STAM: variants seen among roughly 807,000 people sequenced by gnomAD.
STAM encodes the protein signal transducing adaptor molecule, also known as signal transducing adapter molecule 1.
In STAM, 16 loss-of-function variants were observed where a neutral mutation model predicts 63.4. The observed-to-expected ratio is 0.25, with a 90% CI of 0.17 to 0.38. The LOEUF (loss-of-function observed/expected upper bound fraction) is 0.38, where lower values mean the gene tolerates loss of function less well. STAM is among the 10% of genes least tolerant of loss of function. STAM has a pLI of 1.00. For synonymous variants in STAM, 238 were observed against 223.9 expected, an observed-to-expected ratio of 1.06 and a Z score of -0.56; for missense variants, 636 against 657.1, an observed-to-expected ratio of 0.97 and a Z score of 0.35.
At chr10:17,663,720 G>T (rs755699102) in intron 2 of STAM, among the ~76,000 whole-genome samples, 2 of 151,930 alleles carry the variant, frequency 1.3e-5, no homozygotes, top group Non-Finnish European at 2.9e-5. Context: ...TGTTTGAAAA[G>T]GATTAAACAA....
rs1020806556 is a variant in STAM at position 17,716,374 on chromosome 10, A to T, written c.*1594A>T. 6.6e-6 allele frequency among the ~76,000 whole-genome samples: 1 copy of T among 151,746 alleles called. No individual in the cohort carries two copies. ...CGTAGTTTTAAATCTGAGCCTGTGA[A>T]ATTAGTCACCTGTAAGATTACTTAA... On this transcript the variant is annotated 3_prime_UTR_variant, in exon 14 of 14. Coordinates refer to ENST00000377524, the MANE Select transcript of STAM (RefSeq NM_003473.4).
At chr10:17,644,733 G>A (rs1442336680) in intron 1 of STAM, among the ~76,000 whole-genome samples, 1 of 152,192 alleles carries the variant, frequency 6.6e-6, no homozygotes, top group Non-Finnish European at 1.5e-5. Flanking sequence ...GGCTAGATTA[G>A]GATTGTAAAC....
chr10:17,687,519 A>G (rs61842335), intron 4 of STAM, among the ~76,000 whole-genome samples: 6,925 of 152,272 alleles, frequency 0.045, 198 homozygotes, highest in Middle Eastern at 0.14. Context: ...AGAAAAGAAA[A>G]GAAAGGAAAA....
At chr10:17,656,303 A>C (rs1833937357) in intron 1 of STAM, among the ~76,000 whole-genome samples, 1 of 151,998 alleles carries the variant, frequency 6.6e-6, no homozygotes. Context: ...TAAAAAAAAA[A>C]AAAAAAAAAA....
chr10:17,701,223 GAA>G (rs1554828393), intron 9 of STAM, among the ~76,000 whole-genome samples: 1 of 152,002 alleles, frequency 6.6e-6, no homozygotes, highest in African/African-American at 2.4e-5. Context: ...TGCATATAAA[GAA>G]AAGATTAAAA....
At chr10:17,709,506 C>T (rs1236926050) in intron 13 of STAM, among the ~76,000 whole-genome samples, 1 of 152,100 alleles carries the variant, frequency 6.6e-6, no homozygotes, top group African/African-American at 2.4e-5. Context: ...GACAGAGGCC[C>T]ATTTACTTTG....
chr10:17,693,990 T>A (rs1554827126), intron 6 of STAM, among the ~76,000 whole-genome samples: 1 of 152,184 alleles, frequency 6.6e-6, no homozygotes, highest in East Asian at 1.9e-4. Flanking sequence ...ATCTGGTAGG[T>A]TTAAAATGAT....
At chr10:17,695,298 C>T (rs1835711361) in intron 7 of STAM, 57 bp downstream of exon 7, 1 of 1,492,868 alleles carries the variant, frequency 6.7e-7, no homozygotes, top group Non-Finnish European at 9.1e-7. Context: ...TTCTGTGTTT[C>T]ATATTATTCC....
intron 3 of STAM, 28 bp downstream of exon 3, chr10:17,684,778 A>G (rs782505895): frequency 3.0e-5 from 48 of 1,613,520 alleles, no homozygotes; most frequent in Non-Finnish European, 3.5e-5. Flanking sequence ...AATCTGTACC[A>G]CGAAATTACC....
chr10:17,649,790 A>G (rs1390932106), intron 1 of STAM, among the ~76,000 whole-genome samples: 4 of 151,940 alleles, frequency 2.6e-5, no homozygotes, highest in Non-Finnish European at 5.9e-5. Context: ...CTTTTTTTAC[A>G]TTAATATAGA....
intron 2 of STAM, 132 bp from the exon 3 acceptor site, chr10:17,684,543 A>G: frequency 3.4e-6 from 2 of 593,400 alleles, no homozygotes; most frequent in Non-Finnish European, 5.5e-6. Flanking sequence ...CAACCGTGTT[A>G]TTAATAAAAA....
At chr10:17,653,837 C>A (rs1833834576) in intron 1 of STAM, among the ~76,000 whole-genome samples, 1 of 152,182 alleles carries the variant, frequency 6.6e-6, no homozygotes, top group Admixed American at 6.5e-5. Context: ...ATCCTGGAAC[C>A]AATCTCCCAT....
chr10:17,707,591 C>T (rs1424180809), intron 12 of STAM, among the ~76,000 whole-genome samples: 1 of 152,046 alleles, frequency 6.6e-6, no homozygotes, highest in Non-Finnish European at 1.5e-5. Flanking sequence ...GCTTTAGAGT[C>T]TTGATCACCA....
At chr10:17,694,989 C>T in intron 6 of STAM, 60 bp from the exon 7 acceptor site, 1 of 1,490,656 alleles carries the variant, frequency 6.7e-7, no homozygotes, top group Non-Finnish European at 9.1e-7. Flanking sequence ...TCTTTTTCTA[C>T]TTCTTCAGAC....
At chr10:17,710,774 A>G (rs1836519741) in intron 13 of STAM, among the ~76,000 whole-genome samples, 3 of 152,226 alleles carry the variant, frequency 2.0e-5, no homozygotes, top group Admixed American at 6.5e-5. Flanking sequence ...TAAATATTTT[A>G]TGAATACATG....
intron 13 of STAM, among the ~76,000 whole-genome samples, chr10:17,711,187 T>G (rs543939348): frequency 6.6e-6 from 1 of 152,296 alleles, no homozygotes; most frequent in East Asian, 1.9e-4. Flanking sequence ...TTACATAAAA[T>G]TTTGGTGTTA....
At chr10:17,672,202 A>AT (rs1834668884) in intron 2 of STAM, among the ~76,000 whole-genome samples, 1 of 152,186 alleles carries the variant, frequency 6.6e-6, no homozygotes, top group African/African-American at 2.4e-5. Flanking sequence ...CCTAACATTG[A>AT]GCTATAGATC....
Position 17,714,536 on chromosome 10 carries a change from T to A in STAM, c.1386-7T>A. On this transcript the variant is annotated splice_polypyrimidine_tract_variant and splice_region_variant and intron_variant, in intron 13 of 13. Transcript: ENST00000377524. ...TGATGTAATTGAGTGTTTTTCTTCC[T>A]CCACAGTACAATGGTCAGTTCCGTT... 1.2e-6 allele frequency: 2 copies of A among 1,612,868 alleles called. No homozygotes were observed. Among genetic ancestry groups the A allele is most frequent in the South Asian group, 2.2e-5 (2 of 91,054 alleles).
At chr10:17,676,215 C>T (rs1179231376) in intron 2 of STAM, among the ~76,000 whole-genome samples, 2 of 152,116 alleles carry the variant, frequency 1.3e-5, no homozygotes, top group Non-Finnish European at 2.9e-5. Flanking sequence ...CATTTACTTC[C>T]AGGCATGAGC....
Sources: allele counts gnomAD v4.1 joint callset (sites outside exome capture counted in the v4.1 genomes callset), GRCh38; gene constraint gnomAD v4.1.1; transcripts MANE v1.5; gene names NCBI Gene and HGNC (gene_info 2026-07-23, HGNC 2026-07-21).